The following APBB2 variants were observed in gnomAD, a reference collection of about 807,000 sequenced individuals.
APBB2 encodes the protein Fe65-like 1.
In APBB2, 38 loss-of-function variants were observed where a neutral mutation model predicts 82.5. The ratio of observed to expected loss-of-function variants is 0.46; its 90% CI spans 0.36 to 0.60. The LOEUF (loss-of-function observed/expected upper bound fraction) is 0.60, where lower values mean the gene tolerates loss of function less well. APBB2 is among the 20% of genes least tolerant of loss of function. The pLI, the probability that APBB2 is intolerant of heterozygous loss-of-function variation, is 0.00. For missense variants in APBB2, 772 were observed against 972.3 expected, an observed-to-expected ratio of 0.79 and a Z score of 2.74; for synonymous variants, 341 against 368.2, an observed-to-expected ratio of 0.93 and a Z score of 0.85.
intron 5 of APBB2, among the ~76,000 whole-genome samples, chr4:41,019,359 C>G (rs1810856086): frequency 6.6e-6 from 1 of 152,196 alleles, no homozygotes; most frequent in African/African-American, 2.4e-5. Context: ...GGAAACAGCA[C>G]TGCCCAAGAT....
At chr4:41,018,656 G>A (rs985425349) in intron 5 of APBB2, among the ~76,000 whole-genome samples, 1 of 152,158 alleles carries the variant, frequency 6.6e-6, no homozygotes, top group East Asian at 1.9e-4. Context: ...AGAAGGCGAT[G>A]ACTATGATGA....
At chr4:41,170,523 A>G (rs1221791208) in intron 1 of APBB2, among the ~76,000 whole-genome samples, 1 of 152,230 alleles carries the variant, frequency 6.6e-6, no homozygotes, top group Non-Finnish European at 1.5e-5. Context: ...GAGATAACCA[A>G]AAAATTCAAA....
chr4:41,052,559 C>G (rs1044543146), intron 4 of APBB2, among the ~76,000 whole-genome samples: 2 of 152,188 alleles, frequency 1.3e-5, no homozygotes, highest in African/African-American at 4.8e-5. Context: ...ATTCCAGCAA[C>G]AGCACTGAGG....
At chr4:40,858,675 G>A (rs1268980947) in intron 12 of APBB2, among the ~76,000 whole-genome samples, 1 of 152,178 alleles carries the variant, frequency 6.6e-6, no homozygotes, top group African/African-American at 2.4e-5. Flanking sequence ...TTTAAATGAG[G>A]ATCAGGTGTT....
intron 10 of APBB2, among the ~76,000 whole-genome samples, chr4:40,905,182 G>A (rs929948837): frequency 6.6e-6 from 1 of 151,890 alleles, no homozygotes; most frequent in Non-Finnish European, 1.5e-5. Context: ...TTGAAATATC[G>A]CCCACGATAT....
At chr4:40,970,961 G>T (rs547286965) in intron 6 of APBB2, among the ~76,000 whole-genome samples, 10 of 152,158 alleles carry the variant, frequency 6.6e-5, no homozygotes, top group African/African-American at 2.2e-4. Context: ...ATTCTCCAAG[G>T]TCCAATAACT....
chr4:40,905,129 T>C (rs1468647333), intron 10 of APBB2, among the ~76,000 whole-genome samples: 2 of 152,140 alleles, frequency 1.3e-5, no homozygotes, highest in African/African-American at 4.8e-5. Flanking sequence ...CTAACCCCCA[T>C]GTAGCGCTTA....
At chr4:41,160,028 A>AGAAGAAGAAGAG (rs1560914552) in intron 1 of APBB2, among the ~76,000 whole-genome samples, 3 of 147,734 alleles carry the variant, frequency 2.0e-5, no homozygotes, top group Admixed American at 6.7e-5. Flanking sequence ...AAGAAGAAGA[A>AGAAGAAGAAGAG]GAAGAAGAAA....
intron 5 of APBB2, among the ~76,000 whole-genome samples, chr4:41,026,087 GCAGGAACAGAAAACCAAGTAGCA>G (rs1452068749): frequency 6.6e-6 from 1 of 152,046 alleles, no homozygotes; most frequent in Non-Finnish European, 1.5e-5. Flanking sequence ...GAAAACTAAT[GCAGGAACAGAAAACCAAGTAGCA>G]CATTTTCTCT....
chr4:40,928,391 C>CAA (rs772179673), intron 10 of APBB2, among the ~76,000 whole-genome samples: 2 of 61,084 alleles, frequency 3.3e-5, no homozygotes, highest in Non-Finnish European at 6.2e-5. Flanking sequence ...AAAGAAAACA[C>CAA]ACACACACAC....
intron 10 of APBB2, among the ~76,000 whole-genome samples, chr4:40,908,015 G>A (rs1777518856): frequency 6.6e-6 from 1 of 150,590 alleles, no homozygotes; most frequent in South Asian, 2.1e-4. Flanking sequence ...TGTGTATGTG[G>A]TGTGTGTGTG....
intron 6 of APBB2, among the ~76,000 whole-genome samples, chr4:40,972,288 C>T (rs909131703): frequency 2.0e-5 from 3 of 151,574 alleles, no homozygotes; most frequent in African/African-American, 4.8e-5. Context: ...ATTAGCCAGG[C>T]GTGGTGGCGG....
At chr4:41,210,595 T>G (rs1165967268) in intron 1 of APBB2, among the ~76,000 whole-genome samples, 1 of 152,270 alleles carries the variant, frequency 6.6e-6, no homozygotes, top group Non-Finnish European at 1.5e-5. Context: ...TGGGTTTATC[T>G]TCTGACATCT....
intron 5 of APBB2, among the ~76,000 whole-genome samples, chr4:41,027,202 G>A (rs74659808): frequency 0.045 from 6,887 of 151,562 alleles, 330 homozygotes; most frequent in African/African-American, 0.12. Flanking sequence ...CAGTGATCTG[G>A]CTTTCTGTGC....
chr4:41,057,765 G>T (rs1307893216), intron 4 of APBB2, among the ~76,000 whole-genome samples: 2 of 152,150 alleles, frequency 1.3e-5, no homozygotes, highest in Non-Finnish European at 2.9e-5. Context: ...TTCAAAATGA[G>T]GCCCCATAAA....
At chr4:40,837,734 G>T (rs547081965) in intron 12 of APBB2, among the ~76,000 whole-genome samples, 3 of 152,230 alleles carry the variant, frequency 2.0e-5, no homozygotes, top group African/African-American at 7.2e-5. Context: ...AACGCCTGCA[G>T]TCATGAGAAT....
At chr4:41,194,151 A>G in intron 1 of APBB2, 13 of 148,312 alleles carry the variant, frequency 8.8e-5, no homozygotes, top group African/African-American at 3.2e-4. Flanking sequence ...CATCTCTACA[A>G]AAAAAAAAAA....
intron 4 of APBB2, among the ~76,000 whole-genome samples, chr4:41,045,275 T>C (rs1163957442): frequency 1.3e-5 from 2 of 151,336 alleles, no homozygotes; most frequent in Admixed American, 6.6e-5. Flanking sequence ...TAGAATATTA[T>C]GATTTTAATC....
chr4:40,866,598 C>T (rs967504654), intron 12 of APBB2, among the ~76,000 whole-genome samples: 5 of 152,092 alleles, frequency 3.3e-5, no homozygotes, highest in Non-Finnish European at 7.4e-5. Flanking sequence ...TAATTTTGAT[C>T]CTTCAGTGTT....
Sources: allele counts gnomAD v4.1 joint callset (sites outside exome capture counted in the v4.1 genomes callset), GRCh38; gene constraint gnomAD v4.1.1; transcripts MANE v1.5; gene names NCBI Gene and HGNC (gene_info 2026-07-23, HGNC 2026-07-21).